SULT4A1: variants seen among roughly 807,000 people sequenced by gnomAD.
SULT4A1 encodes the protein sulfotransferase 4A1.
Under a neutral mutation model 35.2 loss-of-function variants are expected in SULT4A1, and 11 were observed. That is an observed-to-expected ratio of 0.31 (90% CI 0.20 to 0.52). The LOEUF (loss-of-function observed/expected upper bound fraction) is 0.52. SULT4A1 is among the 20% of genes least tolerant of loss of function. The pLI, the probability that SULT4A1 is intolerant of heterozygous loss-of-function variation, is 0.97. For missense variants in SULT4A1, 271 were observed against 383.7 expected (o/e 0.71, Z 2.45); for synonymous variants, 152 against 151.8 (o/e 1.00, Z -0.01).
intron 2 of SULT4A1, 88 bp from the exon 3 acceptor site, chr22:43,840,113 G>A: frequency 4.5e-6 from 4 of 889,618 alleles, no homozygotes; most frequent in South Asian, 1.6e-5. Context: ...GCCAGAGGAG[G>A]AAGGAAGGGG....
intron 5 of SULT4A1, among the ~76,000 whole-genome samples, chr22:43,831,689 C>G (rs1167908794): frequency 6.6e-6 from 1 of 152,196 alleles, no homozygotes; most frequent in Non-Finnish European, 1.5e-5. Flanking sequence ...TGCGCAGAAG[C>G]CAGACAGCAA....
intron 1 of SULT4A1, among the ~76,000 whole-genome samples, chr22:43,858,168 A>G (rs1317429357): frequency 6.6e-6 from 1 of 151,894 alleles, no homozygotes; most frequent in Non-Finnish European, 1.5e-5. Context: ...GGCAAAAGAA[A>G]CTATGGCCAG....
chr22:43,849,303 G>C, intron 1 of SULT4A1, among the ~76,000 whole-genome samples: 1 of 152,136 alleles, frequency 6.6e-6, no homozygotes, highest in Non-Finnish European at 1.5e-5. Context: ...GGGAAAGATG[G>C]GGCAGAAGAC....
intron 1 of SULT4A1, among the ~76,000 whole-genome samples, chr22:43,847,740 G>A (rs1245144776): frequency 6.6e-6 from 1 of 152,220 alleles, no homozygotes; most frequent in Non-Finnish European, 1.5e-5. Context: ...CTCTCGATCA[G>A]GTGCCCCTGC....
At chr22:43,857,370 C>CAAAAAAAAAAAA (rs60746917) in intron 1 of SULT4A1, among the ~76,000 whole-genome samples, 3 of 93,792 alleles carry the variant, frequency 3.2e-5, no homozygotes, top group Admixed American at 1.2e-4. Context: ...GATCCTGTCT[C>CAAAAAAAAAAAA]AAAAAAAAAA....
rs2049482709 is a variant in SULT4A1 at position 43,862,389 on chromosome 22, G to A, written c.-7C>T. 3 of 1,277,970 alleles carry A rather than the reference G, an allele frequency of 2.3e-6. No individual in the cohort carries two copies. The highest frequency in any genetic ancestry group is 2.0e-6 in the Non-Finnish European group (2 of 992,704). 79.2% of individuals were successfully genotyped at this position (1,277,970 alleles called of 1,614,324 possible). On this transcript the variant is annotated 5_prime_UTR_variant, in exon 1 of 7. Transcript: ENST00000330884. ...CGGCCTCGCTCTCCGCCATGCCGCC[G>A]CCGTCGCCGTCGCCGCCGCCGCCTC...
At chr22:43,830,515 T>G (rs2063317748) in intron 5 of SULT4A1, among the ~76,000 whole-genome samples, 1 of 152,178 alleles carries the variant, frequency 6.6e-6, no homozygotes, top group Non-Finnish European at 1.5e-5. Flanking sequence ...ACGGCCCACT[T>G]CACCTCTCTG....
rs1331459629 is a variant in SULT4A1 at position 43,833,721 on chromosome 22, G to A, written c.522C>T (p.Ser174=). Residue 174 remains serine, a synonymous_variant, in exon 5 of 7, where the codon TCC becomes TCT. Transcript: ENST00000330884. ...AGAACTCCTGCACGTGCTCAAACCA[G>A]GAGCCGTAGCCCACTGCGGAGACAG... is the stretch of plus-strand genomic sequence containing the variant. ...RFMNDKLGYG[S]WFEHVQEFWE... is the part of the protein sequence containing the mutation. The A allele has an allele frequency of 3.2e-6, 5 of 1,572,622 alleles. No individual in the cohort carries two copies. Among genetic ancestry groups the A allele is most frequent in the Non-Finnish European group, 4.3e-6 (5 of 1,158,390 alleles).
Position 43,829,117 on chromosome 22 carries a change from G to T in SULT4A1, c.685C>A (p.His229Asn). 1 of 1,555,684 alleles carries T rather than the reference G, an allele frequency of 6.4e-7. No homozygotes were observed. The highest frequency in any genetic ancestry group is 8.7e-7 in the Non-Finnish European group (1 of 1,149,632). ...CACTGGTCCACCAGCTGGTGGCAGT[G>T]CTCCGTCAGGGCTTCCAGCTGGGCC... is the stretch of plus-strand genomic sequence containing the variant. ...DKAQLEALTE[H>N]CHQLVDQCCN... Residue 229 changes from histidine to asparagine, a missense_variant, in exon 6 of 7, where the codon CAC (histidine) becomes AAC (asparagine). Coordinates refer to ENST00000330884, the MANE Select transcript of SULT4A1 (RefSeq NM_014351.4).
In SULT4A1 at chr22:43,835,069, GGCCCTGAGCTTCCCGCGCCCCCACCGCT is replaced by G. The variant is rs1569503167; in HGVS notation, c.509-1363_509-1336del. On this transcript the variant is annotated intron_variant, in intron 4 of 6. Transcript: ENST00000330884. ...CCTGTGCTTCCCGCGCCCCCACCGC[GGCCCTGAGCTTCCCGCGCCCCCACCGCT>G]GCCCTGAGCTTCCCGCAGCCACACC... 2.2e-4 allele frequency among the ~76,000 whole-genome samples: 14 copies of G among 64,584 alleles called. 1 individual carries two copies. Among genetic ancestry groups the G allele is most frequent in the Admixed American group, 1.1e-3 (8 of 7,354 alleles). The allele number at this position is 64,584 out of a possible 152,430, so 42.4% of individuals were successfully genotyped here. A position where few individuals can be genotyped will look rare whatever the true frequency, so the allele number is the denominator to read the frequency against.
intron 1 of SULT4A1, 44 bp downstream of exon 1, chr22:43,862,170 G>A (rs1202391268): frequency 4.0e-6 from 6 of 1,484,958 alleles, no homozygotes; most frequent in Admixed American, 2.2e-5. Context: ...CCGCGCTGCA[G>A]GGCTGGGGCA....
intron 6 of SULT4A1, chr22:43,827,015 C>G (rs2063291836): frequency 1.0e-6 from 1 of 985,438 alleles, no homozygotes; most frequent in Non-Finnish European, 1.2e-6. Flanking sequence ...TTGTTGCTCC[C>G]ATTGTCTTTG....
intron 5 of SULT4A1, 60 bp from the exon 6 acceptor site, chr22:43,829,258 C>G (rs772485512): frequency 1.4e-6 from 2 of 1,454,384 alleles, no homozygotes; most frequent in South Asian, 1.4e-5. Flanking sequence ...TTACTGGACA[C>G]GACCCCAGGC....
intron 6 of SULT4A1, among the ~76,000 whole-genome samples, chr22:43,828,076 C>A (rs756087908): frequency 6.6e-6 from 1 of 152,194 alleles, no homozygotes; most frequent in Non-Finnish European, 1.5e-5. Flanking sequence ...ACCTATGTTG[C>A]GTTCCCAGAG....
intron 5 of SULT4A1, among the ~76,000 whole-genome samples, chr22:43,831,830 G>A (rs985088012): frequency 1.3e-5 from 2 of 152,268 alleles, no homozygotes; most frequent in African/African-American, 4.8e-5. Flanking sequence ...TCTGGATCTG[G>A]AAGGTGGCTG....
At chr22:43,841,779 C>T (rs756203828) in intron 2 of SULT4A1, 23 bp downstream of exon 2, 7 of 1,608,418 alleles carry the variant, frequency 4.4e-6, no homozygotes, top group South Asian at 1.1e-5. Flanking sequence ...GGTGCTGGGA[C>T]AGGTGCTGCT....
chr22:43,838,961 C>T lies in SULT4A1; in HGVS notation c.414G>A (p.Leu138=). 7 of 1,614,192 alleles carry T rather than the reference C, an allele frequency of 4.3e-6. No homozygotes were observed. Among genetic ancestry groups the T allele is most frequent in the Non-Finnish European group, 5.9e-6 (7 of 1,180,028 alleles). The change falls in exon 4 of 7, where the codon CTG becomes CTA. Residue 138 remains leucine (L), a synonymous_variant. Coordinates refer to ENST00000330884, the MANE Select transcript of SULT4A1 (RefSeq NM_014351.4). ...VIYMARNPKD[L]VVSYYQFHRS... Reference sequence around the variant, plus strand: ...GGTGGAACTGATAATAAGACACCACCAGATCCTTGGGGTTGCGAGCCATAT... The same window carrying T: ...GGTGGAACTGATAATAAGACACCACTAGATCCTTGGGGTTGCGAGCCATAT...
intron 1 of SULT4A1, among the ~76,000 whole-genome samples, chr22:43,846,556 TG>T (rs909349880): frequency 6.6e-6 from 1 of 152,212 alleles, no homozygotes; most frequent in African/African-American, 2.4e-5. Flanking sequence ...GAGGGAGCTT[TG>T]GAGCAAAGGC....
rs1049569086 is a variant in SULT4A1, at chr22:43,834,272, G to A, written c.509-538C>T. ...TGACCTCCAAGAGGCCGGCACTCCC[G>A]CACCCACACCGCGGCCCTGTGCTTC... On this transcript the variant is annotated intron_variant, in intron 4 of 6. Transcript: ENST00000330884. Among the ~76,000 whole-genome samples, 15 of 152,074 alleles carry A rather than the reference G, an allele frequency of 9.9e-5. 1 individual carries two copies. The highest frequency in any genetic ancestry group is 3.6e-4 in the African/African-American group (15 of 41,444).
Sources: allele counts gnomAD v4.1 joint callset (sites outside exome capture counted in the v4.1 genomes callset), GRCh38; gene constraint gnomAD v4.1.1; transcripts MANE v1.5; gene names NCBI Gene and HGNC (gene_info 2026-07-23, HGNC 2026-07-21).